HHAT: variants seen among roughly 807,000 people sequenced by gnomAD.
The protein encoded by HHAT is hedgehog acyltransferase.
A neutral mutation model predicts 70.8 loss-of-function variants in HHAT; 47 were observed. The ratio of observed to expected loss-of-function variants is 0.66; its 90% CI spans 0.53 to 0.85. HHAT has a LOEUF of 0.85. Among genes scored for constraint, HHAT ranks in the 40% least tolerant of loss-of-function variants. The pLI is 0.00. For synonymous variants in HHAT, 228 were observed against 247.6 expected, an observed-to-expected ratio of 0.92 and a Z score of 0.74; for missense variants, 609 against 604.8, an observed-to-expected ratio of 1.01 and a Z score of -0.07.
chr1:210,414,106 A>T (rs1302002178), intron 6 of HHAT, among the ~76,000 whole-genome samples: 7 of 152,226 alleles, frequency 4.6e-5, no homozygotes, highest in African/African-American at 1.7e-4. Flanking sequence ...GAATTCCATG[A>T]TCAGTGAGTT....
intron 7 of HHAT, among the ~76,000 whole-genome samples, chr1:210,461,446 G>A (rs1296105983): frequency 1.3e-5 from 2 of 152,136 alleles, no homozygotes; most frequent in Non-Finnish European, 2.9e-5. Flanking sequence ...CTAGAAGCGT[G>A]CACCACCATG....
chr1:210,562,076 C>T (rs1376681972), intron 9 of HHAT, among the ~76,000 whole-genome samples: 1 of 152,164 alleles, frequency 6.6e-6, no homozygotes, highest in East Asian at 1.9e-4. Context: ...GCACTGGTGT[C>T]ATGGGCACTG....
At chr1:210,516,233 A>T (rs1339875087) in intron 9 of HHAT, among the ~76,000 whole-genome samples, 2 of 152,136 alleles carry the variant, frequency 1.3e-5, no homozygotes, top group East Asian at 3.8e-4. Flanking sequence ...GCAGTGAGGG[A>T]ATGGCAGCAG....
At chr1:210,555,719 A>G (rs918060848) in intron 9 of HHAT, among the ~76,000 whole-genome samples, 1 of 152,216 alleles carries the variant, frequency 6.6e-6, no homozygotes, top group Non-Finnish European at 1.5e-5. Flanking sequence ...TGAAGCCCAT[A>G]TATATTGGTT....
chr1:210,477,544 A>G (rs924927814), intron 8 of HHAT, among the ~76,000 whole-genome samples: 1 of 152,162 alleles, frequency 6.6e-6, no homozygotes, highest in African/African-American at 2.4e-5. Flanking sequence ...GACTATTTAC[A>G]TAGGAGAGCT....
chr1:210,386,222 C>CTTTTTTCTTTTTTTTT (rs1558409107), intron 3 of HHAT, among the ~76,000 whole-genome samples: 17 of 69,874 alleles, frequency 2.4e-4, no homozygotes, highest in African/African-American at 8.0e-4. Flanking sequence ...GAGTCCTTTT[C>CTTTTTTCTTTTTTTTT]TTTTTTTCTT....
In HHAT at chr1:210,369,507, A is replaced by G. The variant is rs1453862197; in HGVS notation, c.159+6588A>G. ...TTGGCTTATTTATAAATGCCTCTGC[A>G]TTTTAATACTTCAGGAAAACAACAT... On this transcript the variant is annotated intron_variant, in intron 3 of 11. Coordinates refer to ENST00000261458, the MANE Select transcript of HHAT (RefSeq NM_018194.6). Among the ~76,000 whole-genome samples the G allele has an allele frequency of 2.0e-5, 3 of 152,244 alleles. 1 individual carries two copies. Among genetic ancestry groups the G allele is most frequent in the Admixed American group, 2.0e-4 (3 of 15,288 alleles).
intron 9 of HHAT, among the ~76,000 whole-genome samples, chr1:210,578,661 C>T (rs1309346525): frequency 6.6e-6 from 1 of 152,150 alleles, no homozygotes; most frequent in Non-Finnish European, 1.5e-5. Context: ...GAAATTCCTG[C>T]CAGTTGCAAC....
chr1:210,512,417 G>A (rs1175906371), intron 8 of HHAT, among the ~76,000 whole-genome samples: 1 of 152,050 alleles, frequency 6.6e-6, no homozygotes, highest in Non-Finnish European at 1.5e-5. Flanking sequence ...GCTCACACCT[G>A]TAATCCCAGC....
intron 10 of HHAT, among the ~76,000 whole-genome samples, chr1:210,616,393 T>C (rs897695915): frequency 6.6e-6 from 1 of 151,530 alleles, no homozygotes; most frequent in East Asian, 1.9e-4. Context: ...TTTATATTTT[T>C]TATTTTGCTC....
intron 8 of HHAT, among the ~76,000 whole-genome samples, chr1:210,499,334 T>C (rs939824007): frequency 2.0e-5 from 3 of 152,152 alleles, no homozygotes; most frequent in Non-Finnish European, 2.9e-5. Flanking sequence ...TAAAAATAAT[T>C]TGATGGAAAG....
At chr1:210,332,188 G>C (rs685743) in intron 1 of HHAT, among the ~76,000 whole-genome samples, 2,064 of 152,350 alleles carry the variant, frequency 0.014, 43 homozygotes, top group African/African-American at 0.046. Flanking sequence ...GGCCCGAGTA[G>C]TGAAACCAGT....
chr1:210,571,544 A>G (rs550040459), intron 9 of HHAT, among the ~76,000 whole-genome samples: 1 of 152,178 alleles, frequency 6.6e-6, no homozygotes, highest in Non-Finnish European at 1.5e-5. Flanking sequence ...TTAGCCGCCT[A>G]TACTGGAGAG....
intron 7 of HHAT, among the ~76,000 whole-genome samples, chr1:210,429,501 T>C (rs1363046433): frequency 1.3e-5 from 2 of 151,878 alleles, no homozygotes; most frequent in African/African-American, 4.9e-5. Flanking sequence ...TTTTTAAAAT[T>C]GCGTTATTCT....
At chr1:210,343,978 A>G (rs1204553715) in intron 1 of HHAT, among the ~76,000 whole-genome samples, 3 of 152,020 alleles carry the variant, frequency 2.0e-5, no homozygotes, top group Non-Finnish European at 2.9e-5. Context: ...CCCTTCAACA[A>G]CCCTATAAGA....
chr1:210,594,115 T>C (rs914283621), intron 10 of HHAT, among the ~76,000 whole-genome samples: 1 of 152,198 alleles, frequency 6.6e-6, no homozygotes, highest in Non-Finnish European at 1.5e-5. Flanking sequence ...TTTTTTAATC[T>C]ATTCAGCCGC....
chr1:210,391,452 T>C (rs2091452888), intron 4 of HHAT, among the ~76,000 whole-genome samples: 1 of 152,150 alleles, frequency 6.6e-6, no homozygotes, highest in Non-Finnish European at 1.5e-5. Context: ...TTAAAAACTT[T>C]TTATCTAATG....
intron 9 of HHAT, among the ~76,000 whole-genome samples, chr1:210,532,268 G>A (rs1477418773): frequency 6.6e-6 from 1 of 152,180 alleles, no homozygotes; most frequent in Admixed American, 6.5e-5. Flanking sequence ...CTGAGAAAGT[G>A]CATCTGATTA....
intron 7 of HHAT, among the ~76,000 whole-genome samples, chr1:210,441,853 C>CTT (rs61156923): frequency 1.3e-5 from 2 of 151,028 alleles, no homozygotes; most frequent in African/African-American, 4.9e-5. Flanking sequence ...CACACACACA[C>CTT]TTTTTTTTTA....
Sources: allele counts gnomAD v4.1 joint callset (sites outside exome capture counted in the v4.1 genomes callset), GRCh38; gene constraint gnomAD v4.1.1; transcripts MANE v1.5; gene names NCBI Gene and HGNC (gene_info 2026-07-23, HGNC 2026-07-21).